SI: variants seen among roughly 807,000 people sequenced by gnomAD.
SI encodes the protein sucrase-isomaltase.
SI carries 235 observed loss-of-function variants against 253.3 expected under a neutral mutation model. That is an observed-to-expected ratio of 0.93 (90% CI 0.83 to 1.03). The LOEUF is 1.03. SI is among the 50% of genes least tolerant of loss of function. The pLI, the probability that SI is intolerant of heterozygous loss-of-function variation, is 0.00. For synonymous variants in SI, 819 were observed against 712.0 expected, an observed-to-expected ratio of 1.15 and a Z score of -2.39; for missense variants, 2,442 against 2,211.1, an observed-to-expected ratio of 1.10 and a Z score of -2.09.
At position 165,006,851 on chromosome 3, in the gene SI, A is replaced by T. The variant is rs1438535905; in HGVS notation, c.4371T>A (p.Asn1457Lys). 2 of 1,612,786 alleles carry T rather than the reference A, an allele frequency of 1.2e-6. No homozygotes were observed. The highest frequency in any genetic ancestry group is 1.7e-6 in the Non-Finnish European group (2 of 1,179,022). The change falls in exon 37 of 48, where the codon AAT (asparagine) becomes AAA (lysine). Residue 1457 changes from asparagine (N) to lysine (K), a missense_variant. Coordinates refer to ENST00000264382, the MANE Select transcript of SI (RefSeq NM_001041.4). Reference protein sequence around the residue: ...GTSVLHYDVHNLYGWSQMKPT... With the variant: ...GTSVLHYDVHKLYGWSQMKPT... ...GTTTCATCTGTGACCATCCATAGAG[A>T]TTGTGAACATCGTAATGCAAAACTG...
chr3:165,016,503 G>T (rs1317360772), intron 31 of SI, among the ~76,000 whole-genome samples: 3 of 151,882 alleles, frequency 2.0e-5, no homozygotes, highest in South Asian at 4.1e-4. Flanking sequence ...CAAATATCGG[G>T]TAATTTCAAA....
At chr3:165,008,932 A>C (rs914536863) in intron 35 of SI, among the ~76,000 whole-genome samples, 4 of 151,972 alleles carry the variant, frequency 2.6e-5, no homozygotes, top group African/African-American at 9.6e-5. Flanking sequence ...AAATTTAAGA[A>C]ATTTTTATCT....
In SI at chr3:165,058,904, TTTA is replaced by T. The variant is rs563986690; in HGVS notation, c.1398+56_1398+58del. 1,751 of 1,271,984 alleles carry T rather than the reference TTTA, an allele frequency of 1.4e-3. 2 individuals are homozygous for T. The highest frequency in any genetic ancestry group is 1.8e-3 in the Non-Finnish European group (1,651 of 903,314). 78.8% of individuals were successfully genotyped at this position (1,271,984 alleles called of 1,614,324 possible). On this transcript the variant is annotated intron_variant, in intron 12 of 47. Transcript: ENST00000264382. ...CACACACACGCACATCCACAGAAAC[TTTA>T]TTATTTCAGAGAAGAAAATTTGAGC... is the stretch of plus-strand genomic sequence containing the variant.
chr3:165,011,991 C>G (rs1415254004), intron 34 of SI, among the ~76,000 whole-genome samples: 2 of 151,860 alleles, frequency 1.3e-5, no homozygotes, highest in Non-Finnish European at 2.9e-5. Context: ...TCTTTTGTGA[C>G]AGTGATTGTC....
chr3:165,018,594 A>G (rs981370871), intron 28 of SI, among the ~76,000 whole-genome samples: 4 of 150,832 alleles, frequency 2.7e-5, no homozygotes, highest in African/African-American at 9.7e-5. Context: ...TCATTGTTTC[A>G]TACTGTAATC....
In SI at chr3:165,002,897, GT is replaced by G. The variant is rs138794092; in HGVS notation, c.4406+3918del. Among the ~76,000 whole-genome samples, 292 of 151,824 alleles carry G rather than the reference GT, an allele frequency of 1.9e-3. 2 individuals carry two copies. Among genetic ancestry groups the G allele is most frequent in the African/African-American group, 6.6e-3 (275 of 41,514 alleles). ...ATGTGATTGAAACTTGCACTGAAAA[GT>G]TTTATGAACGAGAGCAAAATTAGCA... On this transcript the variant is annotated intron_variant, in intron 37 of 47. Transcript: ENST00000264382.
intron 16 of SI, among the ~76,000 whole-genome samples, chr3:165,044,479 C>T (rs1032958804): frequency 4.6e-5 from 7 of 151,808 alleles, no homozygotes; most frequent in Non-Finnish European, 7.4e-5. Flanking sequence ...TATATCTCAC[C>T]ACAGTTTTTA....
Sources: allele counts gnomAD v4.1 joint callset (sites outside exome capture counted in the v4.1 genomes callset), GRCh38; gene constraint gnomAD v4.1.1; transcripts MANE v1.5; gene names NCBI Gene and HGNC (gene_info 2026-07-23, HGNC 2026-07-21).